Variants in AGR3 observed in about 807,000 individuals in gnomAD.
AGR3 encodes anterior gradient 3, protein disulphide isomerase family member, also known as anterior gradient protein 3.
Under a neutral mutation model 24.5 loss-of-function variants are expected in AGR3, and 37 were observed. The ratio of observed to expected loss-of-function variants is 1.51; its 90% confidence interval spans 1.16 to 1.99. The LOEUF (loss-of-function observed/expected upper bound fraction) is 1.99. Ranked by LOEUF, AGR3 falls within the 30% of genes most tolerant of loss-of-function variation. The pLI, the probability that AGR3 is intolerant of heterozygous loss-of-function variation, is 0.00. For synonymous variants in AGR3, 75 were observed against 61.6 expected, an observed-to-expected ratio of 1.22 and a Z score of -1.02; for missense variants, 228 against 191.1, an observed-to-expected ratio of 1.19 and a Z score of -1.14.
intron 3 of AGR3, among the ~76,000 whole-genome samples, chr7:16,863,764 C>G (rs1781694273): frequency 1.3e-5 from 2 of 151,808 alleles, no homozygotes; most frequent in Admixed American, 6.6e-5. Flanking sequence ...TCTTATTAGT[C>G]TCCCCAAAGA....
intron 5 of AGR3, 102 bp downstream of exon 5, chr7:16,861,882 C>G (rs1229385885): frequency 2.9e-6 from 3 of 1,038,834 alleles, no homozygotes; most frequent in African/African-American, 1.9e-5. Flanking sequence ...GCCTGGGTGA[C>G]AGAGCGAGAC....
intron 3 of AGR3, among the ~76,000 whole-genome samples, chr7:16,867,548 T>C (rs529226917): frequency 3.9e-5 from 6 of 152,330 alleles, no homozygotes; most frequent in African/African-American, 1.2e-4. Flanking sequence ...GCAATTTTCA[T>C]GTATAAAATA....
intron 3 of AGR3, among the ~76,000 whole-genome samples, chr7:16,863,473 A>G (rs1781688144): frequency 6.6e-6 from 1 of 152,156 alleles, no homozygotes; most frequent in African/African-American, 2.4e-5. Context: ...TAAAAAGTTA[A>G]AAAGATAAAA....
intron 6 of AGR3, among the ~76,000 whole-genome samples, chr7:16,861,100 C>A (rs185840127): frequency 1.1e-3 from 168 of 152,276 alleles, no homozygotes; most frequent in African/African-American, 4.0e-3. Flanking sequence ...CTGAATTCTC[C>A]TTTTAGTGTG....
chr7:16,860,574 AAAG>A lies in AGR3; in HGVS notation c.374_376del (p.Ser125del), dbSNP rs1005143520. 5 of 1,612,462 alleles carry A rather than the reference AAAG, an allele frequency of 3.1e-6. No homozygotes were observed. The African/African-American group carries it at 6.7e-5, about 22-fold the overall frequency. The stretch of plus-strand genomic sequence containing the variant: ...TCCAGCTATGTCAGCTCTAACTGTT[AAAG>A]AAGGGTCTGTCAAGGAAAAAACCAA... On this transcript the variant is annotated inframe_deletion, in exon 7 of 8. Coordinates refer to ENST00000310398, the MANE Select transcript of AGR3 (RefSeq NM_176813.5).
In AGR3 at chr7:16,859,482, C is replaced by A. The variant is rs1336351980; in HGVS notation, c.*100G>T. The A allele has an allele frequency of 6.5e-6, 5 of 771,580 alleles. No homozygotes were observed. Among genetic ancestry groups the A allele is most frequent in the Non-Finnish European group, 1.0e-5 (5 of 485,210 alleles). The allele number at this position is 771,580 out of a possible 1,614,324, so 47.8% of individuals were successfully genotyped here. A position where few individuals can be genotyped will look rare whatever the true frequency, so the allele number is the denominator to read the frequency against. On this transcript the variant is annotated 3_prime_UTR_variant, in exon 8 of 8. Transcript: ENST00000310398. ...TTAAAAAAACTAAATAGTAATATTA[C>A]AAAATCTATATACTTGCACATTTAG... is the stretch of plus-strand genomic sequence containing the variant.
At position 16,876,402 on chromosome 7, in the gene AGR3, AT is replaced by A. The variant is rs1166433237; in HGVS notation, c.109+2107del. Among the ~76,000 whole-genome samples the A allele has an allele frequency of 9.2e-5, 14 of 152,046 alleles. No homozygotes were observed. The South Asian group carries it at 1.0e-3, about 11-fold the overall frequency. The stretch of plus-strand genomic sequence containing the variant: ...GCAATTCTGATTCAAAGGAAATTGG[AT>A]TTTTTTTGGATCATTCTATGTGTGT... On this transcript the variant is annotated intron_variant, in intron 2 of 7. Transcript: ENST00000310398.
At chr7:16,871,670 C>G (rs1290677653) in intron 3 of AGR3, among the ~76,000 whole-genome samples, 2 of 152,104 alleles carry the variant, frequency 1.3e-5, no homozygotes, top group African/African-American at 4.8e-5. Context: ...TGGTGAAACC[C>G]TGTTTCTACT....
intron 2 of AGR3, among the ~76,000 whole-genome samples, chr7:16,875,223 A>C (rs999472915): frequency 1.3e-5 from 2 of 152,154 alleles, no homozygotes; most frequent in Non-Finnish European, 2.9e-5. Flanking sequence ...TCTCCTCAAA[A>C]AGAAACCCTA....
intron 3 of AGR3, chr7:16,865,314 T>C: frequency 1.7e-6 from 2 of 1,156,416 alleles, no homozygotes; most frequent in East Asian, 4.7e-5. Context: ...ACTTCTCATA[T>C]CACCAGAACA....
At chr7:16,867,725 T>C (rs1405944978) in intron 3 of AGR3, among the ~76,000 whole-genome samples, 1 of 152,180 alleles carries the variant, frequency 6.6e-6, no homozygotes. Context: ...AGATTACACA[T>C]GTGAGATTAC....
chr7:16,873,875 C>A (rs749002166), intron 2 of AGR3, 32 bp from the exon 3 acceptor site: 6 of 1,540,966 alleles, frequency 3.9e-6, no homozygotes, highest in Non-Finnish European at 5.4e-6. Flanking sequence ...AATGCAGTAA[C>A]CCAGAACTAG....
chr7:16,870,067 A>G (rs545002590), intron 3 of AGR3, among the ~76,000 whole-genome samples: 2 of 152,078 alleles, frequency 1.3e-5, no homozygotes, highest in African/African-American at 2.4e-5. Context: ...CAAGAATATA[A>G]TATGCACTGC....
intron 3 of AGR3, among the ~76,000 whole-genome samples, chr7:16,867,493 CACAT>C (rs1432381034): frequency 6.6e-6 from 1 of 152,102 alleles, no homozygotes. Flanking sequence ...TTCATCATCT[CACAT>C]ACTTATTTTT....
rs189395313 is a variant in AGR3 at position 16,864,994 on chromosome 7, A to C, written c.174-2332T>G. On this transcript the variant is annotated intron_variant, in intron 3 of 7. Coordinates refer to ENST00000310398, the MANE Select transcript of AGR3 (RefSeq NM_176813.5). ...GTCTCCTGGCATGTGTGACATTTCT[A>C]CTACCTCCTCAGGTTCAACAAGTAT... 5.6e-5 allele frequency: 54 copies of C among 972,930 alleles called. No homozygotes were observed. The African/African-American group carries it at 8.0e-4, about 14-fold the overall frequency. The allele number at this position is 972,930 out of a possible 1,614,324, so 60.3% of individuals were successfully genotyped here.
downstream of AGR3, among the ~76,000 whole-genome samples, chr7:16,854,994 T>C (rs543877046): frequency 8.1e-4 from 123 of 152,294 alleles, 1 homozygote; most frequent in Middle Eastern, 3.4e-3. Flanking sequence ...ACATTTTCCT[T>C]TAGAAAATTT....
chr7:16,877,874 A>AG, intron 2 of AGR3, among the ~76,000 whole-genome samples: 1 of 147,106 alleles, frequency 6.8e-6, no homozygotes, highest in South Asian at 2.1e-4. Flanking sequence ...AAAAAAAAAA[A>AG]AAAGAGAGAA....
intron 1 of AGR3, among the ~76,000 whole-genome samples, chr7:16,880,997 C>G (rs1488168456): frequency 6.6e-6 from 1 of 152,096 alleles, no homozygotes; most frequent in Non-Finnish European, 1.5e-5. Flanking sequence ...TGCCTCTGTT[C>G]CTTTTCCGTG....
At chr7:16,873,666 T>A in intron 3 of AGR3, 114 bp downstream of exon 3, 1 of 773,850 alleles carries the variant, frequency 1.3e-6, no homozygotes, top group Non-Finnish European at 2.1e-6. Context: ...ACTGATTTGA[T>A]CACTACACAT....
Sources: gnomAD v4.1 joint callset for allele counts (sites outside exome capture counted in the v4.1 genomes callset) on GRCh38, gnomAD v4.1.1 for gene constraint, MANE v1.5 for transcripts, NCBI Gene and HGNC (gene_info 2026-07-23, HGNC 2026-07-21) for gene names.